The following NR4A1 variants were observed in gnomAD, a reference collection of about 807,000 sequenced individuals.
The protein encoded by NR4A1 is nuclear receptor subfamily 4immunitygroup A member 1.
Under a neutral mutation model 47.5 loss-of-function variants are expected in NR4A1, and 24 were observed. The observed-to-expected ratio is 0.50, with a 90% CI of 0.37 to 0.71. The LOEUF (loss-of-function observed/expected upper bound fraction) is 0.71. Ranked by LOEUF, NR4A1 falls within the 30% of genes least tolerant of loss-of-function variation. The pLI is 0.00. For synonymous variants in NR4A1, 353 were observed against 345.7 expected, an observed-to-expected ratio of 1.02 and a Z score of -0.24; for missense variants, 669 against 788.6, an observed-to-expected ratio of 0.85 and a Z score of 1.82.
Position 52,056,033 on chromosome 12 carries a change from A to G in NR4A1, c.880A>G (p.Thr294Ala). The G allele has an allele frequency of 8.1e-7, 1 of 1,238,466 alleles. No individual in the cohort carries two copies. Among genetic ancestry groups the G allele is most frequent in the Non-Finnish European group, 1.0e-6 (1 of 961,282 alleles). 76.7% of individuals were successfully genotyped at this position (1,238,466 alleles called of 1,614,324 possible). A position where few individuals can be genotyped will look rare whatever the true frequency, so the allele number is the denominator to read the frequency against. ...TCCGTGTTGCCCCCCCACCCAGCGCACAGTGCAGAAAAACGCCAAGTACAT... is the reference window on the plus strand; with the variant it reads ...TCCGTGTTGCCCCCCCACCCAGCGCGCAGTGCAGAAAAACGCCAAGTACAT... ...CEGCKGFFKR[T>A]VQKNAKYICL... Residue 294 changes from threonine to alanine, a missense_variant, in exon 3 of 7, where the codon ACA becomes GCA. By Grantham distance (58) the Thr-to-Ala change is moderately conservative (BLOSUM62 0). Transcript: ENST00000394825.
At chr12:52,040,275 A>G (rs1938384759) in intron 1 of NR4A1, among the ~76,000 whole-genome samples, 1 of 152,140 alleles carries the variant, frequency 6.6e-6, no homozygotes, top group African/African-American at 2.4e-5. Context: ...TGAAGATGCT[A>G]TGAATCATTT....
At chr12:52,038,076 T>C in intron 1 of NR4A1, 1 of 984,904 alleles carries the variant, frequency 1.0e-6, no homozygotes, top group Non-Finnish European at 1.2e-6. Flanking sequence ...CCCTTTCTTT[T>C]TTTTTTGAGA....
chr12:52,041,665 G>C, intron 1 of NR4A1: 1 of 896,768 alleles, frequency 1.1e-6, no homozygotes. Flanking sequence ...CCTAACCCGG[G>C]GAGGTCCTTG....
chr12:52,051,325 C>A (rs929568815), upstream of NR4A1: 2 of 867,490 alleles, frequency 2.3e-6, no homozygotes, highest in African/African-American at 1.8e-5. Flanking sequence ...GCCGGAACCG[C>A]ACCGCCCCCC....
intron 2 of NR4A1, chr12:52,041,958 AC>A: frequency 8.1e-7 from 1 of 1,234,892 alleles, no homozygotes; most frequent in Non-Finnish European, 1.0e-6. Context: ...TCCTTTGTAC[AC>A]CCCTCCAGCA....
At chr12:52,051,916 C>T (rs1419669761) in intron 1 of NR4A1, among the ~76,000 whole-genome samples, 1 of 152,096 alleles carries the variant, frequency 6.6e-6, no homozygotes, top group Non-Finnish European at 1.5e-5. Context: ...GGGGTCACAG[C>T]ACCGTGGGGG....
At chr12:52,040,672 G>T (rs1938399966) in intron 1 of NR4A1, among the ~76,000 whole-genome samples, 1 of 152,152 alleles carries the variant, frequency 6.6e-6, no homozygotes, top group Non-Finnish European at 1.5e-5. Flanking sequence ...TGACAATGTT[G>T]TAAGGGGAGA....
At position 52,055,208 on chromosome 12, in the gene NR4A1, C is replaced by A; in HGVS notation, c.876+4C>A. The A allele has an allele frequency of 6.2e-7, 1 of 1,611,152 alleles. No individual in the cohort carries two copies. Among genetic ancestry groups the A allele is most frequent in the South Asian group, 1.1e-5 (1 of 91,072 alleles). On this transcript the variant is annotated splice_donor_region_variant and intron_variant, in intron 2 of 6. Transcript: ENST00000394825. The stretch of plus-strand genomic sequence containing the variant: ...GGGCTGCAAGGGCTTCTTCAAGGTA[C>A]CGCGCAGCCCCAGGTGGGGCCTTTT...
At chr12:52,037,191 G>C in intron 1 of NR4A1, 1 of 178,592 alleles carries the variant, frequency 5.6e-6, no homozygotes, top group Non-Finnish European at 1.1e-5. Flanking sequence ...CGCGGGGGCG[G>C]GGGGCGCCGC....
chr12:52,031,577 C>T lies in NR4A1; in HGVS notation c.-84+8638C>T, dbSNP rs560954244. Among the ~76,000 whole-genome samples, 5 of 151,276 alleles carry T rather than the reference C, an allele frequency of 3.3e-5. No individual in the cohort carries two copies. The South Asian group carries it at 6.4e-4, about 19-fold the overall frequency. ...GCTTGAACCTGGGAGGCAGAGGTTG[C>T]AGTGAGCCGAGATCATGCTACTGCA... is the stretch of plus-strand genomic sequence containing the variant. On this transcript the variant is annotated intron_variant, in intron 1 of 7. Coordinates refer to the NR4A1 transcript ENST00000360284.
At chr12:52,038,459 G>GT in intron 1 of NR4A1, 1 of 445,018 alleles carries the variant, frequency 2.2e-6, no homozygotes, top group South Asian at 2.7e-5. Flanking sequence ...TGTTAATTTG[G>GT]TTGTGGGGCT....
intron 1 of NR4A1, among the ~76,000 whole-genome samples, chr12:52,036,054 G>T (rs982011215): frequency 1.3e-5 from 2 of 152,194 alleles, no homozygotes; most frequent in African/African-American, 4.8e-5. Context: ...CAATGACCTT[G>T]CCTGTACGGG....
chr12:52,054,876 C>T lies in NR4A1; in HGVS notation c.548C>T (p.Pro183Leu). ...WTEQLPKASG[P>L]PQPPAFFSFS... The stretch of plus-strand genomic sequence containing the variant: ...GAGCAGCTGCCCAAAGCCTCTGGGC[C>T]CCCACAGCCTCCAGCCTTCTTTTCC... Residue 183 changes from proline (P) to leucine (L), a missense_variant, in exon 2 of 7, where the codon CCC becomes CTC. Coordinates refer to ENST00000394825, the MANE Select transcript of NR4A1 (RefSeq NM_173157.3). The T allele has an allele frequency of 6.2e-7, 1 of 1,614,116 alleles. No individual in the cohort carries two copies. The highest frequency in any genetic ancestry group is 8.5e-7 in the Non-Finnish European group (1 of 1,180,046).
intron 1 of NR4A1, among the ~76,000 whole-genome samples, chr12:52,027,157 T>A (rs1938015841): frequency 1.3e-5 from 2 of 152,208 alleles, no homozygotes; most frequent in Admixed American, 1.3e-4. Context: ...CTACCACAAG[T>A]GCCCCTTAGC....
At chr12:52,037,752 G>T (rs1297857504) in intron 1 of NR4A1, 1 of 985,392 alleles carries the variant, frequency 1.0e-6, no homozygotes, top group Non-Finnish European at 1.2e-6. Flanking sequence ...CCAGGAGCGC[G>T]GGAGCTCGTC....
Position 52,057,182 on chromosome 12 carries a change from T to C in NR4A1, c.1284T>C (p.Ala428=), listed in dbSNP as rs750512875. ...RKWAEKIPGF[A]ELSPADQDLL... ...GGGCGGAGAAGATCCCTGGCTTTGC[T>C]GAGCTGTCACCGGCTGACCAGGACC... The change falls in exon 5 of 7, where the codon GCT becomes GCC. Residue 428 remains alanine, a synonymous_variant. Coordinates refer to ENST00000394825, the MANE Select transcript of NR4A1 (RefSeq NM_173157.3). The C allele has an allele frequency of 1.2e-6, 2 of 1,614,118 alleles. No homozygotes were observed. The highest frequency in any genetic ancestry group is 1.7e-6 in the Non-Finnish European group (2 of 1,179,956).
chr12:52,038,400 G>T, intron 1 of NR4A1: 1 of 284,696 alleles, frequency 3.5e-6, no homozygotes, highest in Non-Finnish European at 6.8e-6. Flanking sequence ...TTTGATAGAT[G>T]ACCTGGGGAT....
intron 1 of NR4A1, among the ~76,000 whole-genome samples, chr12:52,028,535 C>T (rs1938049441): frequency 6.6e-6 from 1 of 151,956 alleles, no homozygotes; most frequent in African/African-American, 2.4e-5. Flanking sequence ...GATTGAGCCA[C>T]TGCACTCCAG....
At chr12:52,058,391 A>C in intron 6 of NR4A1, 1 of 421,444 alleles carries the variant, frequency 2.4e-6, no homozygotes. Context: ...AGATTTTAAA[A>C]ACCCAATGAT....
Sources: allele counts gnomAD v4.1 joint callset (sites outside exome capture counted in the v4.1 genomes callset), GRCh38; gene constraint gnomAD v4.1.1; transcripts MANE v1.5; gene names NCBI Gene and HGNC (gene_info 2026-07-23, HGNC 2026-07-21).